The following FRMD4A variants were observed in gnomAD, a reference collection of about 807,000 sequenced individuals.
FRMD4A encodes the protein FERM domain-containing protein 4A.
In FRMD4A, 29 loss-of-function variants were observed where a neutral mutation model predicts 129.1. That is an observed-to-expected ratio of 0.22 (90% CI 0.17 to 0.31). The LOEUF (loss-of-function observed/expected upper bound fraction) is 0.31. FRMD4A is among the 10% of genes least tolerant of loss of function. FRMD4A has a pLI of 1.00. For missense variants in FRMD4A, 1,272 were observed against 1,375.8 expected (o/e 0.92, Z 1.19); for synonymous variants, 634 against 571.6 (o/e 1.11, Z -1.56).
At chr10:14,032,897 G>A (rs1485452544) in intron 2 of FRMD4A, among the ~76,000 whole-genome samples, 1 of 152,222 alleles carries the variant, frequency 6.6e-6, no homozygotes, top group African/African-American at 2.4e-5. Flanking sequence ...CCCAGTCTTG[G>A]TAACTTTGCC....
intron 2 of FRMD4A, among the ~76,000 whole-genome samples, chr10:14,323,161 T>C (rs957356235): frequency 2.0e-5 from 3 of 152,188 alleles, no homozygotes; most frequent in African/African-American, 4.8e-5. Flanking sequence ...GAGACTGGGA[T>C]GGAGAAAGAC....
At chr10:14,107,348 A>AAATC (rs1837640875) in intron 2 of FRMD4A, among the ~76,000 whole-genome samples, 1 of 152,220 alleles carries the variant, frequency 6.6e-6, no homozygotes, top group Admixed American at 6.5e-5. Context: ...CCCAAATCTA[A>AAATC]AATAAAAGTT....
At chr10:13,890,796 G>A (rs542103048) in intron 2 of FRMD4A, 481 of 985,368 alleles carry the variant, frequency 4.9e-4, no homozygotes, top group Non-Finnish European at 5.6e-4. Flanking sequence ...TTCCCGGGGG[G>A]CTGGCATGGC....
rs116874602 is a variant in FRMD4A, at chr10:14,233,228, T to C, written c.45+96830A>G. On this transcript the variant is annotated intron_variant, in intron 2 of 24. Coordinates refer to ENST00000357447, the MANE Select transcript of FRMD4A (RefSeq NM_018027.5). ...TTCTACCTCCATTGGAGAGCAAAAA[T>C]ACATATCCTCAGAAGCATCTGATTC... 3.1e-3 allele frequency among the ~76,000 whole-genome samples: 478 copies of C among 152,256 alleles called. 2 individuals carry two copies. The highest frequency in any genetic ancestry group is 0.017 in the South Asian group (84 of 4,808).
At chr10:13,988,553 AATGGATGG>A (rs925492926) in intron 2 of FRMD4A, among the ~76,000 whole-genome samples, 4 of 152,172 alleles carry the variant, frequency 2.6e-5, no homozygotes, top group African/African-American at 9.7e-5. Flanking sequence ...AAAGATAATT[AATGGATGG>A]ATGGATGGAT....
At chr10:14,252,845 G>A (rs920348362) in intron 2 of FRMD4A, among the ~76,000 whole-genome samples, 1 of 152,114 alleles carries the variant, frequency 6.6e-6, no homozygotes, top group Non-Finnish European at 1.5e-5. Flanking sequence ...TTAGCAAATG[G>A]TATTTTTCTA....
chr10:14,020,628 G>C (rs1177062691), intron 2 of FRMD4A, among the ~76,000 whole-genome samples: 1 of 151,966 alleles, frequency 6.6e-6, no homozygotes, highest in African/African-American at 2.4e-5. Flanking sequence ...CAATCTCCCT[G>C]ACTCCTCTGG....
intron 2 of FRMD4A, among the ~76,000 whole-genome samples, chr10:13,878,780 GAGAGAGAGAA>G (rs939778091): frequency 8.0e-5 from 11 of 137,536 alleles, no homozygotes; most frequent in Non-Finnish European, 1.4e-4. Context: ...GAAAGAGAGA[GAGAGAGAGAA>G]AGAGAGAAGG....
chr10:14,123,036 A>G (rs992799001), intron 2 of FRMD4A, among the ~76,000 whole-genome samples: 4 of 152,224 alleles, frequency 2.6e-5, no homozygotes, highest in South Asian at 2.1e-4. Context: ...GGGAATGAAT[A>G]TAAGGAACTT....
intron 2 of FRMD4A, among the ~76,000 whole-genome samples, chr10:14,236,515 G>C (rs1056270326): frequency 2.0e-5 from 3 of 152,328 alleles, no homozygotes; most frequent in Middle Eastern, 3.4e-3. Flanking sequence ...TGCTGCTGCT[G>C]CTGGAGCCTG....
At chr10:14,118,184 G>C (rs903544488) in intron 2 of FRMD4A, among the ~76,000 whole-genome samples, 2 of 152,192 alleles carry the variant, frequency 1.3e-5, no homozygotes, top group Non-Finnish European at 2.9e-5. Context: ...CTGGAGCTGA[G>C]GCCCAGGAAT....
At chr10:13,851,237 G>A (rs911340593) in intron 3 of FRMD4A, among the ~76,000 whole-genome samples, 2 of 151,862 alleles carry the variant, frequency 1.3e-5, no homozygotes, top group African/African-American at 4.9e-5. Context: ...AAAAGAAAAA[G>A]AAAAAGAAAA....
chr10:14,232,030 C>G (rs959123991), intron 2 of FRMD4A, among the ~76,000 whole-genome samples: 5 of 152,052 alleles, frequency 3.3e-5, no homozygotes, highest in Non-Finnish European at 7.4e-5. Flanking sequence ...ATGGTACTTC[C>G]TGGGTTTTCT....
chr10:14,262,243 A>G (rs1844831336), intron 2 of FRMD4A, among the ~76,000 whole-genome samples: 1 of 152,126 alleles, frequency 6.6e-6, no homozygotes, highest in African/African-American at 2.4e-5. Context: ...ACTTTCCATT[A>G]CCTACTTAGC....
At chr10:13,946,120 C>A (rs1158783390) in intron 2 of FRMD4A, among the ~76,000 whole-genome samples, 1 of 152,210 alleles carries the variant, frequency 6.6e-6, no homozygotes, top group Non-Finnish European at 1.5e-5. Context: ...TCAAGGGATG[C>A]CACTGGTTTA....
At chr10:14,135,945 C>A (rs1017762034) in intron 2 of FRMD4A, among the ~76,000 whole-genome samples, 1 of 152,182 alleles carries the variant, frequency 6.6e-6, no homozygotes, top group African/African-American at 2.4e-5. Context: ...AATGCATGTT[C>A]AACTTATTCT....
intron 14 of FRMD4A, among the ~76,000 whole-genome samples, 168 bp from the exon 15 acceptor site, chr10:13,694,207 C>T (rs141210819): frequency 1.3e-5 from 2 of 152,312 alleles, no homozygotes; most frequent in African/African-American, 4.8e-5. Context: ...CATTAATCAC[C>T]GAAACTCTCT....
At chr10:13,990,153 A>G (rs1184674995) in intron 2 of FRMD4A, among the ~76,000 whole-genome samples, 1 of 152,240 alleles carries the variant, frequency 6.6e-6, no homozygotes, top group East Asian at 1.9e-4. Context: ...GGGGTTAGGA[A>G]TAAGAGCCAA....
At chr10:13,778,576 A>T (rs893825423) in intron 6 of FRMD4A, among the ~76,000 whole-genome samples, 9 of 150,924 alleles carry the variant, frequency 6.0e-5, no homozygotes, top group African/African-American at 1.9e-4. Context: ...AAGGAAAGTG[A>T]TGGCTGATAC....
Sources: allele counts gnomAD v4.1 joint callset (sites outside exome capture counted in the v4.1 genomes callset), GRCh38; gene constraint gnomAD v4.1.1; transcripts MANE v1.5; gene names NCBI Gene and HGNC (gene_info 2026-07-23, HGNC 2026-07-21).